The following DOCK8 variants were observed in gnomAD, a reference collection of about 807,000 sequenced individuals.
DOCK8 encodes the protein dedicator of cytokinesis protein 8.
In DOCK8, 141 loss-of-function variants were observed where a neutral mutation model predicts 245.6. That is an observed-to-expected ratio of 0.57 (90% CI 0.50 to 0.66). The LOEUF is 0.66. Ranked by LOEUF, DOCK8 falls within the 30% of genes least tolerant of loss-of-function variation. DOCK8 has a pLI of 0.00. For missense variants in DOCK8, 2,965 were observed against 2,603.4 expected, an observed-to-expected ratio of 1.14 and a Z score of -3.02; for synonymous variants, 1,168 against 970.2, an observed-to-expected ratio of 1.20 and a Z score of -3.79.
chr9:310,131 G>A (rs1381272699), intron 5 of DOCK8, among the ~76,000 whole-genome samples: 1 of 152,130 alleles, frequency 6.6e-6, no homozygotes, highest in Non-Finnish European at 1.5e-5. Flanking sequence ...GCCAGGCGTG[G>A]TGGCGCGTGC....
At chr9:241,445 T>G (rs1475191453) in intron 1 of DOCK8, among the ~76,000 whole-genome samples, 2 of 152,156 alleles carry the variant, frequency 1.3e-5, no homozygotes, top group Non-Finnish European at 2.9e-5. Context: ...GAGATCGAAG[T>G]TTTTTAGCTT....
Position 225,870 on chromosome 9 carries a change from A to G in DOCK8, c.53+10841A>G, listed in dbSNP as rs79504213. ...ATCAAGCAGGGGAATGACGAAGCACATGACTGAGGCAGGAGTAAATTTGAT... is the reference window on the plus strand; with the variant it reads ...ATCAAGCAGGGGAATGACGAAGCACGTGACTGAGGCAGGAGTAAATTTGAT... On this transcript the variant is annotated intron_variant, in intron 1 of 47. Coordinates refer to ENST00000432829, the MANE Select transcript of DOCK8 (RefSeq NM_203447.4). Among the ~76,000 whole-genome samples the G allele has an allele frequency of 6.8e-3, 1,041 of 152,254 alleles. 12 individuals are homozygous for G. The highest frequency in any genetic ancestry group is 0.024 in the African/African-American group (984 of 41,548).
chr9:328,158 A>G lies in DOCK8; in HGVS notation c.1031A>G (p.Tyr344Cys). The change falls in exon 9 of 48, where the codon TAC becomes TGC. Residue 344 changes from tyrosine to cysteine, a missense_variant. Physicochemically the swap from Tyr to Cys is radical, Grantham distance 194 (BLOSUM62 -2). Transcript: ENST00000432829. ...GTCACCTACCCGTCCTCAGACATCTACCTGGTAGTCAAGGTAATTCAGTAC... is the reference window on the plus strand; with the variant it reads ...GTCACCTACCCGTCCTCAGACATCTGCCTGGTAGTCAAGGTAATTCAGTAC... ...FSVTYPSSDI[Y>C]LVVKIEKVLQ... 1 of 1,613,866 alleles carries G rather than the reference A, an allele frequency of 6.2e-7. No individual in the cohort carries two copies.
rs914314079 is a variant in DOCK8, at chr9:363,049, C to T, written c.1680-4969C>T. Among the ~76,000 whole-genome samples the T allele has an allele frequency of 4.6e-5, 7 of 152,246 alleles. No homozygotes were observed. In the South Asian group the frequency reaches 8.3e-4, roughly 18 times the overall value. ...GCAGTTTAAAAATAAGTTGAGGATTCGTTGCTAAATCAGTGGAAAGAATTT... is the reference window on the plus strand; with the variant it reads ...GCAGTTTAAAAATAAGTTGAGGATTTGTTGCTAAATCAGTGGAAAGAATTT... On this transcript the variant is annotated intron_variant, in intron 14 of 47. Coordinates refer to ENST00000432829, the MANE Select transcript of DOCK8 (RefSeq NM_203447.4).
At chr9:308,811 C>A (rs1020710070) in intron 5 of DOCK8, among the ~76,000 whole-genome samples, 1 of 152,146 alleles carries the variant, frequency 6.6e-6, no homozygotes, top group East Asian at 1.9e-4. Context: ...GCATGTGCCA[C>A]GACACCCGGC....
At chr9:243,785 G>A (rs542615654) in intron 1 of DOCK8, among the ~76,000 whole-genome samples, 1 of 152,078 alleles carries the variant, frequency 6.6e-6, no homozygotes, top group Non-Finnish European at 1.5e-5. Context: ...GTCAATGAAA[G>A]GGACTCTTTG....
intron 43 of DOCK8, 151 bp downstream of exon 43, chr9:443,667 G>A: frequency 1.5e-6 from 1 of 646,776 alleles, no homozygotes. Flanking sequence ...TAATTGGTCA[G>A]ATCTTAAAGA....
At chr9:367,770 C>G (rs1419125802) in intron 14 of DOCK8, among the ~76,000 whole-genome samples, 1 of 152,164 alleles carries the variant, frequency 6.6e-6, no homozygotes, top group African/African-American at 2.4e-5. Context: ...GACATGAAGA[C>G]TTTCTAAGCT....
intron 5 of DOCK8, among the ~76,000 whole-genome samples, chr9:309,280 TTAA>T (rs1322813285): frequency 6.6e-6 from 1 of 152,206 alleles, no homozygotes; most frequent in Non-Finnish European, 1.5e-5. Context: ...AACAAAAGTA[TTAA>T]TAATCGAAGT....
chr9:443,481 A>C lies in DOCK8; in HGVS notation c.5545A>C (p.Thr1849Pro), dbSNP rs768702006. The part of the protein sequence containing the change: ...AEFVEVIKDS[T>P]PVDKTKLDPN... ...ATTTGTGGAAGTGATTAAAGACTCC[A>C]CTCCTGTGGACAAAACCAAGTTGGA... is the stretch of plus-strand genomic sequence containing the variant. Residue 1849 changes from threonine to proline, a missense_variant, in exon 43 of 48, where the codon ACT (threonine) becomes CCT (proline). By Grantham distance (38) the Thr-to-Pro change is conservative (BLOSUM62 -1). Around this residue, in one of 3 missense-constraint regions of DOCK8, gnomAD observed 2,825 missense variants for 2,453.5 expected, o/e 1.15. Transcript: ENST00000432829. The C allele has an allele frequency of 8.7e-6, 14 of 1,613,928 alleles. No individual in the cohort carries two copies. Among genetic ancestry groups the C allele is most frequent in the South Asian group, 4.4e-5 (4 of 91,074 alleles).
intron 43 of DOCK8, among the ~76,000 whole-genome samples, chr9:444,667 G>T (rs1190188488): frequency 1.3e-5 from 2 of 152,106 alleles, no homozygotes; most frequent in Admixed American, 6.5e-5. Context: ...TGGTCTTTTT[G>T]GTGGCCACTT....
intron 2 of DOCK8, among the ~76,000 whole-genome samples, chr9:279,275 C>T (rs1456155670): frequency 6.6e-6 from 1 of 152,110 alleles, no homozygotes; most frequent in African/African-American, 2.4e-5. Context: ...TTTGAGAGGT[C>T]TGTTAAATTA....
chr9:384,639 G>A (rs1002364004), intron 22 of DOCK8, among the ~76,000 whole-genome samples: 3 of 152,166 alleles, frequency 2.0e-5, no homozygotes, highest in Admixed American at 6.5e-5. Flanking sequence ...GGATTTGGCC[G>A]GGCACCGTGG....
At chr9:459,100 A>G (rs1195735792) in intron 46 of DOCK8, among the ~76,000 whole-genome samples, 1 of 152,216 alleles carries the variant, frequency 6.6e-6, no homozygotes, top group Admixed American at 6.5e-5. Context: ...GAAGTCTGGA[A>G]TGGTTGTATC....
intron 28 of DOCK8, among the ~76,000 whole-genome samples, chr9:408,898 G>T (rs567621732): frequency 1.7e-5 from 2 of 115,178 alleles, no homozygotes; most frequent in Non-Finnish European, 3.3e-5. Flanking sequence ...GCACACACGC[G>T]CGTGCACATG....
At chr9:353,140 T>G (rs1249601181) in intron 14 of DOCK8, among the ~76,000 whole-genome samples, 1 of 152,204 alleles carries the variant, frequency 6.6e-6, no homozygotes, top group Non-Finnish European at 1.5e-5. Context: ...GCAACCATGC[T>G]GATCTATGCA....
intron 1 of DOCK8, among the ~76,000 whole-genome samples, chr9:263,725 A>C (rs935233243): frequency 3.3e-5 from 5 of 152,184 alleles, no homozygotes; most frequent in African/African-American, 1.2e-4. Flanking sequence ...CTAGGTAGAA[A>C]ATTCTAGATT....
chr9:273,222 C>A, intron 2 of DOCK8: 1 of 713,048 alleles, frequency 1.4e-6, no homozygotes. Context: ...ACTTTCCATG[C>A]CATTTTTTCA....
intron 14 of DOCK8, among the ~76,000 whole-genome samples, chr9:355,192 CTTT>C (rs749045514): frequency 0.15 from 17,653 of 121,198 alleles, 2,206 homozygotes; most frequent in African/African-American, 0.31. Flanking sequence ...TGTTTCTTTT[CTTT>C]TTTTTTTTTT....
Sources: allele counts gnomAD v4.1 joint callset (sites outside exome capture counted in the v4.1 genomes callset), GRCh38; gene constraint gnomAD v4.1.1; regional missense constraint gnomAD v4.1.1; transcripts MANE v1.5; gene names NCBI Gene and HGNC (gene_info 2026-07-23, HGNC 2026-07-21).